RASSF5: variants seen among roughly 807,000 people sequenced by gnomAD.
RASSF5 encodes the protein Ras association domain family member 5.
In RASSF5, 25 loss-of-function variants were observed where a neutral mutation model predicts 40.5. The ratio of observed to expected loss-of-function variants is 0.62; its 90% CI spans 0.45 to 0.86. The LOEUF is 0.86. Ranked by LOEUF, RASSF5 falls within the 40% of genes least tolerant of loss-of-function variation. RASSF5 has a pLI of 0.00. For synonymous variants in RASSF5, 246 were observed against 252.4 expected (o/e 0.97, Z 0.24); for missense variants, 521 against 572.8 (o/e 0.91, Z 0.92).
At chr1:206,567,515 C>G (rs1368510652) in intron 2 of RASSF5, among the ~76,000 whole-genome samples, 1 of 152,112 alleles carries the variant, frequency 6.6e-6, no homozygotes, top group East Asian at 1.9e-4. Context: ...GGCCCTGTAC[C>G]TGAAGGGAGC....
At chr1:206,578,318 T>C (rs1348654645) in intron 2 of RASSF5, among the ~76,000 whole-genome samples, 3 of 151,980 alleles carry the variant, frequency 2.0e-5, no homozygotes, top group Non-Finnish European at 4.4e-5. Flanking sequence ...AGATGTAGGT[T>C]AGCTTTAACC....
intron 1 of RASSF5, among the ~76,000 whole-genome samples, chr1:206,537,216 T>A (rs557916619): frequency 6.6e-6 from 1 of 152,346 alleles, no homozygotes; most frequent in African/African-American, 2.4e-5. Flanking sequence ...TCCCCATCTC[T>A]GAGGTAGTCC....
Position 206,584,374 on chromosome 1 carries a change from C to T in RASSF5, c.691-13C>T, listed in dbSNP as rs1553407013. The T allele has an allele frequency of 2.5e-6, 4 of 1,599,892 alleles. No individual in the cohort carries two copies. The highest frequency in any genetic ancestry group is 2.2e-5 in the East Asian group (1 of 44,820). ...GACGGCCCTGACCCCCTGTGACATG[C>T]CCCCGCTGGCAGAGTGAAGACGGCA... On this transcript the variant is annotated splice_polypyrimidine_tract_variant and intron_variant, in intron 3 of 5. Coordinates refer to ENST00000579436, the MANE Select transcript of RASSF5 (RefSeq NM_182663.4). The surrounding 1 kb of genome is among the most constrained non-coding windows in gnomAD (Gnocchi z 4.9).
At chr1:206,555,460 G>A (rs1667953655) in intron 2 of RASSF5, among the ~76,000 whole-genome samples, 1 of 152,044 alleles carries the variant, frequency 6.6e-6, no homozygotes, top group South Asian at 2.1e-4. Context: ...CAAAGCAGGT[G>A]AGCTGTTATT....
intron 2 of RASSF5, among the ~76,000 whole-genome samples, chr1:206,569,947 G>A (rs144004774): frequency 2.0e-5 from 3 of 152,210 alleles, no homozygotes; most frequent in African/African-American, 7.2e-5. Context: ...CTCCTCGCTT[G>A]GAATACAGAA....
chr1:206,528,762 G>A (rs1408335083), intron 1 of RASSF5, among the ~76,000 whole-genome samples: 1 of 152,146 alleles, frequency 6.6e-6, no homozygotes, highest in Non-Finnish European at 1.5e-5. Context: ...TGGTAGCCAG[G>A]CACAGTGTCT....
At chr1:206,529,454 T>C in intron 1 of RASSF5, 12 of 1,136,776 alleles carry the variant, frequency 1.1e-5, no homozygotes, top group Non-Finnish European at 1.3e-5. Context: ...CTTACTGCAT[T>C]ATCAAGGAGA....
chr1:206,558,840 T>G (rs1316783897), intron 2 of RASSF5, among the ~76,000 whole-genome samples: 1 of 152,140 alleles, frequency 6.6e-6, no homozygotes, highest in Non-Finnish European at 1.5e-5. Context: ...CAGGGGATGT[T>G]CCAGAGGGTG....
rs2102267952 is a variant in RASSF5 at position 206,589,024 on chromosome 1, G to A, written c.*2046G>A. On this transcript the variant is annotated 3_prime_UTR_variant, in exon 6 of 6. Coordinates refer to ENST00000579436, the MANE Select transcript of RASSF5 (RefSeq NM_182663.4). ...AAAGAGATAAGGGTGTTTATGAAATGAGAAAATTATTGGACAATTCAGACT... is the reference window on the plus strand; with the variant it reads ...AAAGAGATAAGGGTGTTTATGAAATAAGAAAATTATTGGACAATTCAGACT... 6.5e-6 allele frequency: 1 copy of A among 152,868 alleles called. No homozygotes were observed. Among genetic ancestry groups the A allele is most frequent in the South Asian group, 2.1e-4 (1 of 4,824 alleles). The allele number at this position is 152,868 out of a possible 1,614,324, so 9.5% of individuals were successfully genotyped here. A position where few individuals can be genotyped will look rare whatever the true frequency, so the allele number is the denominator to read the frequency against.
At chr1:206,523,421 T>G (rs1198275328) in intron 1 of RASSF5, among the ~76,000 whole-genome samples, 2 of 117,600 alleles carry the variant, frequency 1.7e-5, no homozygotes, top group African/African-American at 6.5e-5. Flanking sequence ...ATATATTATA[T>G]ATTATATAAT....
At chr1:206,554,058 A>G (rs1473188041) in intron 2 of RASSF5, among the ~76,000 whole-genome samples, 1 of 152,238 alleles carries the variant, frequency 6.6e-6, no homozygotes, top group Non-Finnish European at 1.5e-5. Context: ...TGAACAAATT[A>G]TTAGTACAGT....
Position 206,583,299 on chromosome 1 carries a change from C to A in RASSF5, c.610C>A (p.Arg204Ser). 1 of 1,613,464 alleles carries A rather than the reference C, an allele frequency of 6.2e-7. No individual in the cohort carries two copies. The highest frequency in any genetic ancestry group is 8.5e-7 in the Non-Finnish European group (1 of 1,179,496). Reference sequence around the variant, plus strand: ...CTGTAAACCTGTGGAGGAGACACAGCGCCCGCCCACACTGCAGGAGATCAA... The same window carrying A: ...CTGTAAACCTGTGGAGGAGACACAGAGCCCGCCCACACTGCAGGAGATCAA... ...NVCKPVEETQ[R>S]PPTLQEIKQK... is the part of the protein sequence containing the mutation. The change falls in exon 3 of 6, where the codon CGC becomes AGC. Residue 204 changes from arginine to serine, a missense_variant. Coordinates refer to ENST00000579436, the MANE Select transcript of RASSF5 (RefSeq NM_182663.4).
intron 2 of RASSF5, among the ~76,000 whole-genome samples, chr1:206,580,105 T>G (rs1168806627): frequency 6.6e-6 from 1 of 152,116 alleles, no homozygotes; most frequent in African/African-American, 2.4e-5. Context: ...AAGGCAGAGG[T>G]GCCTGTGGCC....
intron 1 of RASSF5, among the ~76,000 whole-genome samples, chr1:206,530,780 C>G (rs139365187): frequency 0.026 from 3,888 of 152,336 alleles, 76 homozygotes; most frequent in Non-Finnish European, 0.034. Flanking sequence ...CTCCCCGCTG[C>G]AGGGAGCTGA....
chr1:206,569,065 C>T (rs1394459148), intron 2 of RASSF5, among the ~76,000 whole-genome samples: 1 of 152,238 alleles, frequency 6.6e-6, no homozygotes, highest in Non-Finnish European at 1.5e-5. Flanking sequence ...GTCCCCACTA[C>T]CTGAACCTCC....
chr1:206,512,309 C>G (rs6682303), intron 1 of RASSF5, among the ~76,000 whole-genome samples: 2 of 151,904 alleles, frequency 1.3e-5, no homozygotes, highest in Non-Finnish European at 2.9e-5. Flanking sequence ...CGCTGCAGCC[C>G]GTTTTTCCTC....
chr1:206,585,291 T>G lies in RASSF5; in HGVS notation c.1100T>G (p.Val367Gly). 6.2e-7 allele frequency: 1 copy of G among 1,612,902 alleles called. No homozygotes were observed. Among genetic ancestry groups the G allele is most frequent in the Non-Finnish European group, 8.5e-7 (1 of 1,179,034 alleles). Residue 367 changes from valine (V) to glycine (G), a missense_variant, in exon 5 of 6, where the codon GTA becomes GGA. Val to Gly is a moderately radical substitution (Grantham distance 109). Coordinates refer to ENST00000579436, the MANE Select transcript of RASSF5 (RefSeq NM_182663.4). ...CTAAAGGAGAATGAAACTGGAGAGG[T>G]AGAGGTAGGTCTGGACCCATTGTGC... Reference protein sequence around the residue: ...FVLKENETGEVEWDAFSIPEL... With the variant: ...FVLKENETGEGEWDAFSIPEL...
intron 2 of RASSF5, among the ~76,000 whole-genome samples, chr1:206,547,227 C>T (rs1156851848): frequency 6.6e-6 from 1 of 152,196 alleles, no homozygotes; most frequent in Admixed American, 6.5e-5. Context: ...GCATATACTA[C>T]AAGCCAGGGG....
rs1553394032 is a variant in RASSF5, at chr1:206,507,825, C to T, written c.223C>T (p.Arg75Trp). The change falls in exon 1 of 6, where the codon CGG becomes TGG. Residue 75 changes from arginine to tryptophan, a missense_variant. Physicochemically the swap from Arg to Trp is moderately radical, Grantham distance 101 (BLOSUM62 -3). Coordinates refer to ENST00000579436, the MANE Select transcript of RASSF5 (RefSeq NM_182663.4). Reference sequence around the variant, plus strand: ...CCGGGGGAACCTGGAGCCCCCGCCCCGGGCCTCCCGACCCGCTCGCCCGCT... The same window carrying T: ...CCGGGGGAACCTGGAGCCCCCGCCCTGGGCCTCCCGACCCGCTCGCCCGCT... ...AARGNLEPPP[R>W]ASRPARPLRP... 1.4e-6 allele frequency: 2 copies of T among 1,419,022 alleles called. No homozygotes were observed. Among genetic ancestry groups the T allele is most frequent in the South Asian group, 1.5e-5 (1 of 67,258 alleles). The allele number at this position is 1,419,022 out of a possible 1,614,324, so 87.9% of individuals were successfully genotyped here.
Sources: gnomAD v4.1 joint callset for allele counts (sites outside exome capture counted in the v4.1 genomes callset) on GRCh38, gnomAD v4.1.1 for gene constraint, Gnocchi (gnomAD v3.1) non-coding constraint, MANE v1.5 for transcripts, NCBI Gene and HGNC (gene_info 2026-07-23, HGNC 2026-07-21) for gene names.